The following SLC12A8 variants were observed in gnomAD, a reference collection of about 807,000 sequenced individuals.
SLC12A8 encodes cation-chloride cotransporter 9.
Under a neutral mutation model 75.6 loss-of-function variants are expected in SLC12A8, and 69 were observed. That is an observed-to-expected ratio of 0.91 (90% confidence interval 0.75 to 1.11). The LOEUF is 1.11. Among genes scored for constraint, SLC12A8 ranks in the 50% most tolerant of loss-of-function variants. The pLI is 0.00. For synonymous variants in SLC12A8, 365 were observed against 372.8 expected (o/e 0.98, Z 0.24); for missense variants, 877 against 896.7 (o/e 0.98, Z 0.28).
intron 2 of SLC12A8, among the ~76,000 whole-genome samples, chr3:125,197,262 C>A (rs1935025512): frequency 6.6e-6 from 1 of 150,672 alleles, no homozygotes; most frequent in Admixed American, 6.7e-5. Context: ...GAATAAGAAT[C>A]TGAGTCCATA....
intron 13 of SLC12A8, 163 bp downstream of exon 13, chr3:125,088,147 G>C (rs1227211383): frequency 3.2e-6 from 2 of 621,166 alleles, no homozygotes; most frequent in Non-Finnish European, 5.8e-6. Context: ...GAGTGTGGTG[G>C]AGTGCACGCA....
intron 4 of SLC12A8, among the ~76,000 whole-genome samples, chr3:125,183,229 G>C (rs544791320): frequency 1.3e-5 from 2 of 152,152 alleles, no homozygotes; most frequent in African/African-American, 4.8e-5. Context: ...AAACATTCCT[G>C]GTGGTTTGTT....
chr3:125,111,133 A>G (rs1366430727), intron 8 of SLC12A8, among the ~76,000 whole-genome samples: 1 of 152,206 alleles, frequency 6.6e-6, no homozygotes, highest in Non-Finnish European at 1.5e-5. Context: ...GATAGCACCT[A>G]TCGTGGTGCC....
At chr3:125,164,804 T>C (rs567948408) in intron 5 of SLC12A8, among the ~76,000 whole-genome samples, 4 of 152,342 alleles carry the variant, frequency 2.6e-5, no homozygotes, top group Admixed American at 6.5e-5. Flanking sequence ...CCAGGAGCAC[T>C]TGAAAATACA....
At position 125,107,986 on chromosome 3, in the gene SLC12A8, G is replaced by A; in HGVS notation, c.1200C>T (p.Tyr400=). 3 of 1,614,186 alleles carry A rather than the reference G, an allele frequency of 1.9e-6. No individual in the cohort carries two copies. The South Asian group carries it at 3.3e-5, about 18-fold the overall frequency. The change falls in exon 10 of 14, where the codon TAC becomes TAT. Residue 400 remains tyrosine (Y), a synonymous_variant. Coordinates refer to ENST00000469902, the MANE Select transcript of SLC12A8 (RefSeq NM_024628.6). ...AACACATGGACAGGGAGAAGTAAGA[G>A]TAGTCCACTGCAACGTATGTCAGCA... is the stretch of plus-strand genomic sequence containing the variant. ...NFMLTYVAVD[Y]SYFSLSMCSC...
chr3:125,087,883 A>C (rs1429795623), intron 13 of SLC12A8, among the ~76,000 whole-genome samples: 2 of 152,110 alleles, frequency 1.3e-5, no homozygotes, highest in African/African-American at 4.8e-5. Context: ...ACTGTCCCCA[A>C]CCCAGTCATG....
At chr3:125,135,454 G>T (rs1358634547) in intron 6 of SLC12A8, among the ~76,000 whole-genome samples, 1 of 152,068 alleles carries the variant, frequency 6.6e-6, no homozygotes, top group Admixed American at 6.5e-5. Flanking sequence ...TGAGGCCAGG[G>T]GTTCAAGACC....
chr3:125,194,180 C>A (rs2107798311), intron 2 of SLC12A8, among the ~76,000 whole-genome samples: 1 of 152,344 alleles, frequency 6.6e-6, no homozygotes. Flanking sequence ...GACCCTCAGC[C>A]TGGCAGGGGC....
At chr3:125,183,439 G>A (rs1934707448) in intron 4 of SLC12A8, among the ~76,000 whole-genome samples, 1 of 151,928 alleles carries the variant, frequency 6.6e-6, no homozygotes, top group Admixed American at 6.6e-5. Context: ...CCATTCCAAG[G>A]TAATTCTTTT....
intron 9 of SLC12A8, among the ~76,000 whole-genome samples, chr3:125,109,104 T>A (rs1939116566): frequency 6.6e-6 from 1 of 152,184 alleles, no homozygotes; most frequent in Admixed American, 6.5e-5. Flanking sequence ...AACACTTTCT[T>A]CACCTTACTT....
chr3:125,190,368 C>A lies in SLC12A8; in HGVS notation c.198+7G>T, dbSNP rs1159533089. The A allele has an allele frequency of 1.9e-6, 3 of 1,613,836 alleles. No homozygotes were observed. The highest frequency in any genetic ancestry group is 2.5e-6 in the Non-Finnish European group (3 of 1,179,914). On this transcript the variant is annotated splice_region_variant and intron_variant, in intron 3 of 13. Coordinates refer to ENST00000469902, the MANE Select transcript of SLC12A8 (RefSeq NM_024628.6). ...GAGAGGCTCCAGGCCACCAACTCAG[C>A]ACTCACCACCAGCCAGCCAGTCCTC...
intron 5 of SLC12A8, among the ~76,000 whole-genome samples, chr3:125,159,136 T>TA (rs757196431): frequency 2.0e-5 from 3 of 152,224 alleles, no homozygotes; most frequent in Non-Finnish European, 4.4e-5. Flanking sequence ...ATTCTCTAAT[T>TA]AAAAATTTTT....
At position 125,138,540 on chromosome 3, in the gene SLC12A8, T is replaced by C. The variant is rs1461963394; in HGVS notation, c.623-2758A>G. Among the ~76,000 whole-genome samples the C allele has an allele frequency of 6.3e-5, 9 of 143,720 alleles. No individual in the cohort carries two copies. In the East Asian group the frequency reaches 1.8e-3, roughly 29 times the overall value. The allele number at this position is 143,720 out of a possible 152,430, so 94.3% of individuals were successfully genotyped here. A position where few individuals can be genotyped will look rare whatever the true frequency, so the allele number is the denominator to read the frequency against. On this transcript the variant is annotated intron_variant, in intron 5 of 13. Transcript: ENST00000469902. ...AACTGTCCATGTTATATATACTATA[T>C]GCTAATTCAGAAAACTGGATGCCAT...
At chr3:125,185,189 G>A (rs762551267) in intron 4 of SLC12A8, among the ~76,000 whole-genome samples, 7 of 152,010 alleles carry the variant, frequency 4.6e-5, no homozygotes, top group African/African-American at 7.2e-5. Context: ...GTGTGGTGGC[G>A]CATGCCTGTA....
intron 5 of SLC12A8, among the ~76,000 whole-genome samples, chr3:125,171,911 TA>T (rs1196200311): frequency 0.044 from 45 of 1,026 alleles, 14 homozygotes; most frequent in East Asian, 0.22. Flanking sequence ...TAGAGTATAA[TA>T]AAAAAAAAAA....
At chr3:125,091,592 T>C (rs1938583856) in intron 11 of SLC12A8, 36 bp from the exon 12 acceptor site, 1 of 1,430,846 alleles carries the variant, frequency 7.0e-7, no homozygotes. Flanking sequence ...AATCACCTAA[T>C]GGCTTTCTAC....
rs186406541 is a variant in SLC12A8, at chr3:125,083,604, C to A, written c.*286G>T. ...GGGTGTGGTGGTGCATGCCTATAAT[C>A]CCAGCTACTCAGGAGGCTGAGGCAG... On this transcript the variant is annotated 3_prime_UTR_variant, in exon 14 of 14. Transcript: ENST00000469902. 2,765 of 283,286 alleles carry A rather than the reference C, an allele frequency of 9.8e-3. 17 individuals are homozygous for A. Among genetic ancestry groups the A allele is most frequent in the Non-Finnish European group, 0.015 (2,260 of 148,054 alleles). The allele number at this position is 283,286 out of a possible 1,614,324, so 17.5% of individuals were successfully genotyped here. A position where few individuals can be genotyped will look rare whatever the true frequency, so the allele number is the denominator to read the frequency against.
chr3:125,120,594 C>G lies in SLC12A8; in HGVS notation c.824+5G>C. ...CTCAGACTGATTGCCATGAGGGGAA[C>G]TTACGAGATGCCAACAGCTGCCAGG... On this transcript the variant is annotated splice_donor_5th_base_variant and intron_variant, in intron 7 of 13. Coordinates refer to ENST00000469902, the MANE Select transcript of SLC12A8 (RefSeq NM_024628.6). 6.2e-7 allele frequency: 1 copy of G among 1,610,058 alleles called. No homozygotes were observed. The highest frequency in any genetic ancestry group is 8.5e-7 in the Non-Finnish European group (1 of 1,176,844).
chr3:125,211,979 G>T (rs1333645208), intron 1 of SLC12A8, among the ~76,000 whole-genome samples: 1 of 152,074 alleles, frequency 6.6e-6, no homozygotes. Context: ...TCCCCTTCGC[G>T]CTGGACCTGG....
Sources: gnomAD v4.1 joint callset for allele counts (sites outside exome capture counted in the v4.1 genomes callset) on GRCh38, gnomAD v4.1.1 for gene constraint, MANE v1.5 for transcripts, NCBI Gene and HGNC (gene_info 2026-07-23, HGNC 2026-07-21) for gene names.